FMN1: variants seen among roughly 807,000 people sequenced by gnomAD.
The protein encoded by FMN1 is formin 1, also known as formin-1.
FMN1 carries 110 observed loss-of-function variants against 132.4 expected under a neutral mutation model. The ratio of observed to expected loss-of-function variants is 0.83; its 90% CI spans 0.71 to 0.97. FMN1 has a LOEUF of 0.97. Among genes scored for constraint, FMN1 ranks in the 50% least tolerant of loss-of-function variants. The pLI is 0.00. For synonymous variants in FMN1, 722 were observed against 651.7 expected, an observed-to-expected ratio of 1.11 and a Z score of -1.64; for missense variants, 1,792 against 1,705.3, an observed-to-expected ratio of 1.05 and a Z score of -0.90.
chr15:32,882,282 C>G (rs1322756253), intron 16 of FMN1, among the ~76,000 whole-genome samples: 1 of 152,320 alleles, frequency 6.6e-6, no homozygotes, highest in Admixed American at 6.5e-5. Flanking sequence ...CACAGATAAA[C>G]CTGTTTCAAA....
chr15:32,974,818 C>G (rs2032073035), intron 7 of FMN1, among the ~76,000 whole-genome samples: 1 of 152,182 alleles, frequency 6.6e-6, no homozygotes, highest in Admixed American at 6.5e-5. Context: ...TTCAGAATCT[C>G]CAAAGTAATG....
At chr15:32,867,323 C>A (rs1247525045) in intron 16 of FMN1, among the ~76,000 whole-genome samples, 1 of 152,238 alleles carries the variant, frequency 6.6e-6, no homozygotes, top group Non-Finnish European at 1.5e-5. Flanking sequence ...TGCGCTACGT[C>A]TTGCCTGCCT....
chr15:32,920,283 T>C (rs1201346574), intron 10 of FMN1, among the ~76,000 whole-genome samples: 1 of 152,178 alleles, frequency 6.6e-6, no homozygotes, highest in Non-Finnish European at 1.5e-5. Context: ...CTTTTAAATA[T>C]AAGTCATCCT....
intron 17 of FMN1, among the ~76,000 whole-genome samples, chr15:32,823,784 T>TC (rs1412110850): frequency 1.3e-5 from 2 of 152,342 alleles, no homozygotes; most frequent in African/African-American, 4.8e-5. Flanking sequence ...AAGCTACTAT[T>TC]CCAACTCATG....
chr15:32,991,532 C>T (rs1434521255), intron 7 of FMN1, among the ~76,000 whole-genome samples: 2 of 152,196 alleles, frequency 1.3e-5, no homozygotes, highest in African/African-American at 2.4e-5. Flanking sequence ...AAAGCTGAGT[C>T]TTCTGCTGCA....
At chr15:33,128,466 G>A (rs1337690485) in intron 4 of FMN1, among the ~76,000 whole-genome samples, 2 of 152,100 alleles carry the variant, frequency 1.3e-5, no homozygotes, top group East Asian at 1.9e-4. Flanking sequence ...ACATTGCAAG[G>A]TCCATTTATA....
At chr15:32,982,035 T>C (rs1249240710) in intron 7 of FMN1, among the ~76,000 whole-genome samples, 2 of 150,612 alleles carry the variant, frequency 1.3e-5, no homozygotes, top group Non-Finnish European at 3.0e-5. Context: ...AAAACAAAAA[T>C]AAGGAAAAAA....
intron 9 of FMN1, among the ~76,000 whole-genome samples, chr15:32,952,927 C>G (rs1431662966): frequency 1.3e-5 from 2 of 152,204 alleles, no homozygotes; most frequent in Non-Finnish European, 2.9e-5. Context: ...AACGTAGAGT[C>G]TCACGTCCGT....
Position 32,940,391 on chromosome 15 carries a change from T to TTGTGTGTGTG in FMN1, c.3139-14140_3139-14131dup, listed in dbSNP as rs67121672. On this transcript the variant is annotated intron_variant, in intron 9 of 20. Transcript: ENST00000616417. Reference sequence around the variant, plus strand: ...ATGTCTACTGCAAACAAAATAAAAATTGTGTGTGTGTGTGTGTGTGTGTGT... The same window carrying TTGTGTGTGTG: ...ATGTCTACTGCAAACAAAATAAAAATTGTGTGTGTGTGTGTGTGTGTGTGTGTGTGTGTGT... Among the ~76,000 whole-genome samples, 374 of 145,408 alleles carry TTGTGTGTGTG rather than the reference T, an allele frequency of 2.6e-3. 2 individuals carry two copies. The highest frequency in any genetic ancestry group is 8.8e-3 in the African/African-American group (351 of 40,010).
At chr15:33,128,407 A>T (rs1038655361) in intron 4 of FMN1, among the ~76,000 whole-genome samples, 10 of 152,182 alleles carry the variant, frequency 6.6e-5, no homozygotes, top group Non-Finnish European at 1.5e-4. Context: ...CCATTTGTTC[A>T]TCAACAAAAT....
chr15:32,825,804 T>C (rs1328982206), intron 17 of FMN1, among the ~76,000 whole-genome samples: 1 of 152,168 alleles, frequency 6.6e-6, no homozygotes, highest in Non-Finnish European at 1.5e-5. Flanking sequence ...GACTACGTTG[T>C]GAGATCTTTA....
intron 6 of FMN1, among the ~76,000 whole-genome samples, chr15:33,021,798 T>TG (rs1305225024): frequency 2.6e-5 from 4 of 152,210 alleles, no homozygotes; most frequent in Non-Finnish European, 5.9e-5. Context: ...ATAATAGAGG[T>TG]GCTAAGCAGT....
At chr15:32,973,577 C>CCCCCA (rs1555508116) in intron 7 of FMN1, among the ~76,000 whole-genome samples, 1 of 123,734 alleles carries the variant, frequency 8.1e-6, no homozygotes, top group African/African-American at 3.6e-5. Flanking sequence ...CTGCCCCTCA[C>CCCCCA]CCCCCCCAAA....
rs1029596650 is a variant in FMN1 at position 32,772,268 on chromosome 15, CCAAAG to C, written c.*2037_*2041del. On this transcript the variant is annotated 3_prime_UTR_variant, in exon 21 of 21. Transcript: ENST00000616417. ...TTCTCGTAAGCATCCTACTTACAGA[CCAAAG>C]TGGACTGCAATGAGTACACCTCAAA... 6.6e-6 allele frequency: 1 copy of C among 152,164 alleles called. No homozygotes were observed. Among genetic ancestry groups the C allele is most frequent in the African/African-American group, 2.4e-5 (1 of 41,416 alleles). 9.4% of individuals were successfully genotyped at this position (152,164 alleles called of 1,614,324 possible). A position where few individuals can be genotyped will look rare whatever the true frequency, so the allele number is the denominator to read the frequency against.
intron 17 of FMN1, among the ~76,000 whole-genome samples, chr15:32,842,134 G>C (rs1233794943): frequency 1.3e-5 from 2 of 152,218 alleles, no homozygotes; most frequent in African/African-American, 2.4e-5. Flanking sequence ...CATTCCCAGT[G>C]TTTGAGAGGA....
chr15:32,911,318 A>G (rs115821024), intron 10 of FMN1, among the ~76,000 whole-genome samples: 1 of 151,322 alleles, frequency 6.6e-6, no homozygotes, highest in South Asian at 2.1e-4. Flanking sequence ...ATAATTATTC[A>G]AAACTAATAA....
At chr15:33,185,961 A>G (rs941072944) in intron 2 of FMN1, among the ~76,000 whole-genome samples, 3 of 152,164 alleles carry the variant, frequency 2.0e-5, no homozygotes, top group African/African-American at 7.2e-5. Flanking sequence ...CTAGTCTACA[A>G]GTTAATAATA....
At chr15:32,819,306 T>C (rs980925264) in intron 17 of FMN1, among the ~76,000 whole-genome samples, 1 of 152,178 alleles carries the variant, frequency 6.6e-6, no homozygotes, top group Non-Finnish European at 1.5e-5. Context: ...TTCTGCTGTG[T>C]GGGAGTAGAA....
chr15:33,162,947 T>A (rs948565510), intron 3 of FMN1, among the ~76,000 whole-genome samples: 1 of 152,016 alleles, frequency 6.6e-6, no homozygotes, highest in African/African-American at 2.4e-5. Context: ...TGAAACCCCA[T>A]CCCTACTAAA....
Sources: gnomAD v4.1 joint callset for allele counts (sites outside exome capture counted in the v4.1 genomes callset) on GRCh38, gnomAD v4.1.1 for gene constraint, MANE v1.5 for transcripts, NCBI Gene and HGNC (gene_info 2026-07-23, HGNC 2026-07-21) for gene names.